ITGAX: variants seen among roughly 807,000 people sequenced by gnomAD.
ITGAX encodes the protein integrin subunit alpha X.
Under a neutral mutation model 140.2 loss-of-function variants are expected in ITGAX, and 99 were observed. That is an observed-to-expected ratio of 0.71 (90% CI 0.60 to 0.83). ITGAX has a LOEUF of 0.83. ITGAX is among the 40% of genes least tolerant of loss of function. The pLI is 0.00. For missense variants in ITGAX, 1,444 were observed against 1,482.0 expected (o/e 0.97, Z 0.42); for synonymous variants, 631 against 600.4 (o/e 1.05, Z -0.75).
rs2230429 is a variant in ITGAX, at chr16:31,363,214, C to G, written c.1550C>G (p.Pro517Arg). 549,374 of 1,612,670 alleles carry G rather than the reference C, an allele frequency of 0.34. 101,517 individuals are homozygous for G. The highest frequency in any genetic ancestry group is 0.76 in the East Asian group (34,058 of 44,820). Residue 517 changes from proline (P) to arginine (R), a missense_variant, in exon 14 of 30, where the codon CCC becomes CGC. Coordinates refer to ENST00000268296, the MANE Select transcript of ITGAX (RefSeq NM_000887.5). The part of the protein sequence containing the change: ...DAVLYGEQGH[P>R]WGRFGAALTV... ...GTTCTCTACGGGGAGCAGGGCCACC[C>G]CTGGGGTCGCTTTGGGGCGGCTCTG...
At chr16:31,355,756 G>C (rs1195886220) in intron 1 of ITGAX, 137 bp from the exon 2 acceptor site, 7 of 684,082 alleles carry the variant, frequency 1.0e-5, no homozygotes, top group Non-Finnish European at 1.8e-5. Context: ...AGAAGGGGAT[G>C]AGTTGGGTGT....
rs755196185 is a variant in ITGAX, at chr16:31,360,300, T to G, written c.708-10T>G. On this transcript the variant is annotated splice_polypyrimidine_tract_variant and intron_variant, in intron 7 of 29. Coordinates refer to ENST00000268296, the MANE Select transcript of ITGAX (RefSeq NM_000887.5). ...TTCACAGGCCTCTAAGACCTCTCCT[T>G]TCCTGATAGGCACCGATTGTTCCAT... 12 of 1,603,312 alleles carry G rather than the reference T, an allele frequency of 7.5e-6. No individual in the cohort carries two copies. The highest frequency in any genetic ancestry group is 1.1e-5 in the South Asian group (1 of 89,878).
chr16:31,362,556 C>T, intron 11 of ITGAX, 55 bp from the exon 12 acceptor site: 4 of 1,549,406 alleles, frequency 2.6e-6, no homozygotes, highest in Non-Finnish European at 3.5e-6. Flanking sequence ...GGTGGGGGTC[C>T]AGGGTTCTGG....
chr16:31,372,782 G>A (rs1382826922), intron 19 of ITGAX, 112 bp downstream of exon 19: 2 of 1,098,750 alleles, frequency 1.8e-6, no homozygotes, highest in Non-Finnish European at 2.7e-6. Context: ...CAAAACCCAG[G>A]TGTCTTGGCT....
chr16:31,362,528 T>TG, intron 11 of ITGAX, 83 bp from the exon 12 acceptor site: 1 of 1,283,250 alleles, frequency 7.8e-7, no homozygotes, highest in Non-Finnish European at 1.0e-6. Context: ...GGAGGGGAGA[T>TG]GGTGCTGTGC....
At position 31,363,225 on chromosome 16, in the gene ITGAX, T is replaced by A. The variant is rs941045670; in HGVS notation, c.1561T>A (p.Phe521Ile). 10 of 1,613,316 alleles carry A rather than the reference T, an allele frequency of 6.2e-6. No homozygotes were observed. Among genetic ancestry groups the A allele is most frequent in the Admixed American group, 5.0e-5 (3 of 59,900 alleles). ...GGAGCAGGGCCACCCCTGGGGTCGCTTTGGGGCGGCTCTGACAGTGCTGGG... is the reference window on the plus strand; with the variant it reads ...GGAGCAGGGCCACCCCTGGGGTCGCATTGGGGCGGCTCTGACAGTGCTGGG... Reference protein sequence around the residue: ...YGEQGHPWGRFGAALTVLGDV... With the variant: ...YGEQGHPWGRIGAALTVLGDV... Residue 521 changes from phenylalanine (F) to isoleucine (I), a missense_variant, in exon 14 of 30, where the codon TTT becomes ATT. Physicochemically the swap from Phe to Ile is conservative, Grantham distance 21. Transcript: ENST00000268296.
intron 17 of ITGAX, among the ~76,000 whole-genome samples, 169 bp downstream of exon 17, chr16:31,371,953 A>T (rs939459947): frequency 1.3e-5 from 2 of 152,152 alleles, no homozygotes; most frequent in Admixed American, 1.3e-4. Flanking sequence ...GCGAGCAAAC[A>T]AGTGATGAGA....
In ITGAX at chr16:31,372,655, C is replaced by T. The variant is rs186307252; in HGVS notation, c.2351C>T (p.Ser784Phe). The T allele has an allele frequency of 6.2e-7, 1 of 1,614,002 alleles. No homozygotes were observed. Among genetic ancestry groups the T allele is most frequent in the Admixed American group, 1.7e-5 (1 of 60,024 alleles). ...ATCTGCCAGGACAATCTCGGCATCT[C>T]CTTCAGCTTCCCAGGGTGAGCGCCC... ...DHICQDNLGI[S>F]FSFPGLKSLL... is the part of the protein sequence containing the mutation. Residue 784 changes from serine to phenylalanine, a missense_variant, in exon 19 of 30, where the codon TCC becomes TTC. Physicochemically the swap from Ser to Phe is radical, Grantham distance 155. Coordinates refer to ENST00000268296, the MANE Select transcript of ITGAX (RefSeq NM_000887.5).
At chr16:31,355,413 G>A (rs1400607474) in intron 1 of ITGAX, 122 bp downstream of exon 1, 3 of 1,040,046 alleles carry the variant, frequency 2.9e-6, no homozygotes, top group Non-Finnish European at 2.9e-6. Context: ...AGTCAAGCCT[G>A]AGGGGGAGGC....
chr16:31,363,607 G>A (rs1042405251), intron 14 of ITGAX, among the ~76,000 whole-genome samples: 14 of 150,612 alleles, frequency 9.3e-5, no homozygotes, highest in South Asian at 2.1e-4. Context: ...CACCATGTCC[G>A]GTTATTTTTT....
Position 31,362,598 on chromosome 16 carries a change from C to CT in ITGAX, c.1217-12dup, listed in dbSNP as rs764673124. On this transcript the variant is annotated splice_polypyrimidine_tract_variant and intron_variant, in intron 11 of 29. Coordinates refer to ENST00000268296, the MANE Select transcript of ITGAX (RefSeq NM_000887.5). ...GGAATGGGGGCCTTTGTGCTGAGGCCTGGGCCCCTCAGGTTACTCCACCGA... is the reference window on the plus strand; with the variant it reads ...GGAATGGGGGCCTTTGTGCTGAGGCCTTGGGCCCCTCAGGTTACTCCACCGA... 1.4e-5 allele frequency: 23 copies of CT among 1,608,136 alleles called. 1 individual carries two copies. In the South Asian group the frequency reaches 2.5e-4, roughly 18 times the overall value.
chr16:31,369,116 T>C (rs1597074092), intron 14 of ITGAX, among the ~76,000 whole-genome samples: 1 of 152,338 alleles, frequency 6.6e-6, no homozygotes, highest in East Asian at 1.9e-4. Context: ...CTCAATGAGC[T>C]GTTGGGTACA....
intron 5 of ITGAX, chr16:31,358,583 CAG>C (rs1327147873): frequency 6.6e-6 from 1 of 151,988 alleles, no homozygotes; most frequent in African/African-American, 2.4e-5. Flanking sequence ...GCCTGGGTGA[CAG>C]AGTGAGACTC....
intron 20 of ITGAX, among the ~76,000 whole-genome samples, chr16:31,375,319 G>T (rs2081010251): frequency 6.6e-6 from 1 of 152,184 alleles, no homozygotes; most frequent in Admixed American, 6.5e-5. Context: ...CCTAGCCCAG[G>T]AGTGGGTTTC....
chr16:31,359,620 G>A (rs1053812868), intron 5 of ITGAX, 80 bp from the exon 6 acceptor site: 7 of 1,535,490 alleles, frequency 4.6e-6, no homozygotes, highest in Middle Eastern at 1.7e-4. Context: ...TTTTGGGAGA[G>A]TGAGCTCTTG....
chr16:31,380,939 C>A lies in ITGAX; in HGVS notation c.3319C>A (p.Pro1107Thr). The A allele has an allele frequency of 6.2e-7, 1 of 1,614,124 alleles. No homozygotes were observed. The highest frequency in any genetic ancestry group is 8.5e-7 in the Non-Finnish European group (1 of 1,180,014). The change falls in exon 29 of 30, where the codon CCC (proline) becomes ACC (threonine). Residue 1107 changes from proline (P) to threonine (T), a missense_variant. Transcript: ENST00000268296. ...GAAGTACAAGGTCCACAACCCCACC[C>A]CCCTCATCGTAGGCAGCTCCATTGG... ...LEKYKVHNPT[P>T]LIVGSSIGGL...
intron 20 of ITGAX, among the ~76,000 whole-genome samples, chr16:31,375,593 A>C (rs2081012650): frequency 6.6e-6 from 1 of 152,262 alleles, no homozygotes; most frequent in African/African-American, 2.4e-5. Context: ...CAATGAAATA[A>C]GTGATTCCTT....
chr16:31,377,756 C>A (rs1330246338), intron 23 of ITGAX, among the ~76,000 whole-genome samples: 2 of 152,046 alleles, frequency 1.3e-5, no homozygotes, highest in Non-Finnish European at 2.9e-5. Context: ...CCACACATGG[C>A]AGGTGTGATC....
chr16:31,357,209 G>A (rs1161639303), intron 4 of ITGAX, 44 bp from the exon 5 acceptor site: 2 of 1,545,932 alleles, frequency 1.3e-6, no homozygotes, highest in East Asian at 2.3e-5. Flanking sequence ...TGTGAGGGTG[G>A]GAGGAAGCAG....
Sources: allele counts gnomAD v4.1 joint callset (sites outside exome capture counted in the v4.1 genomes callset), GRCh38; gene constraint gnomAD v4.1.1; transcripts MANE v1.5; gene names NCBI Gene and HGNC (gene_info 2026-07-23, HGNC 2026-07-21).